ANKRD22: variants seen among roughly 807,000 people sequenced by gnomAD.
The protein encoded by ANKRD22 is ankyrin repeat domain 22.
Under a neutral mutation model 25.7 loss-of-function variants are expected in ANKRD22, and 24 were observed. The ratio of observed to expected loss-of-function variants is 0.93; its 90% CI spans 0.68 to 1.31. The LOEUF (loss-of-function observed/expected upper bound fraction) is 1.31, where lower values mean the gene tolerates loss of function less well. Among genes scored for constraint, ANKRD22 ranks in the 50% most tolerant of loss-of-function variants. The pLI, the probability that ANKRD22 is intolerant of heterozygous loss-of-function variation, is 0.00. For missense variants in ANKRD22, 214 were observed against 227.1 expected (o/e 0.94, Z 0.37); for synonymous variants, 84 against 84.3 (o/e 1.00, Z 0.02).
intron 3 of ANKRD22, 100 bp from the exon 4 acceptor site, chr10:88,826,215 A>C (rs764863472): frequency 2.0e-4 from 189 of 957,216 alleles, no homozygotes; most frequent in Non-Finnish European, 2.8e-4. Flanking sequence ...TAATCCCAAC[A>C]CTCCTATGCA....
intron 1 of ANKRD22, among the ~76,000 whole-genome samples, chr10:88,840,383 G>A (rs1214557): frequency 0.42 from 63,201 of 152,076 alleles, 14,296 homozygotes; most frequent in African/African-American, 0.61. Context: ...AATATTTGTT[G>A]TTATTTTAAT....
chr10:88,840,732 C>T (rs1843996283), intron 1 of ANKRD22, among the ~76,000 whole-genome samples: 1 of 152,102 alleles, frequency 6.6e-6, no homozygotes, highest in Admixed American at 6.6e-5. Flanking sequence ...GTTTTTCTTT[C>T]TCTTCAAGTT....
intron 1 of ANKRD22, among the ~76,000 whole-genome samples, chr10:88,846,190 T>C (rs1844046887): frequency 6.6e-6 from 1 of 152,164 alleles, no homozygotes; most frequent in Admixed American, 6.6e-5. Flanking sequence ...CAAAGTCACT[T>C]TATTTATAAT....
chr10:88,826,279 T>C (rs1843855309), intron 3 of ANKRD22, among the ~76,000 whole-genome samples, 164 bp from the exon 4 acceptor site: 1 of 152,142 alleles, frequency 6.6e-6, no homozygotes, highest in African/African-American at 2.4e-5. Context: ...CTAATATCAA[T>C]TAATTAAAGC....
chr10:88,851,742 G>T lies in ANKRD22; in HGVS notation c.-135C>A. On this transcript the variant is annotated 5_prime_UTR_variant, in exon 1 of 6. Transcript: ENST00000371930. Reference sequence around the variant, plus strand: ...CAAGCTGGTGGCAAGCTCCAGGAGTGCTTTTCTAGCAAACACCTGTCAGTG... The same window carrying T: ...CAAGCTGGTGGCAAGCTCCAGGAGTTCTTTTCTAGCAAACACCTGTCAGTG... 1 of 938,406 alleles carries T rather than the reference G, an allele frequency of 1.1e-6. No individual in the cohort carries two copies. The allele number at this position is 938,406 out of a possible 1,614,324, so 58.1% of individuals were successfully genotyped here.
chr10:88,831,182 G>A (rs1010255100), intron 2 of ANKRD22, among the ~76,000 whole-genome samples: 1 of 152,138 alleles, frequency 6.6e-6, no homozygotes, highest in Non-Finnish European at 1.5e-5. Flanking sequence ...CCTTCACTAC[G>A]ATGCAAATGC....
chr10:88,839,612 C>T (rs1254702263), intron 1 of ANKRD22, among the ~76,000 whole-genome samples: 2 of 152,114 alleles, frequency 1.3e-5, no homozygotes, highest in Non-Finnish European at 2.9e-5. Flanking sequence ...CTTAAATGAG[C>T]TAGTGGGTTA....
At chr10:88,823,255 C>T (rs1370387434) in intron 5 of ANKRD22, 25 bp downstream of exon 5, 2 of 1,587,422 alleles carry the variant, frequency 1.3e-6, no homozygotes, top group South Asian at 2.2e-5. Flanking sequence ...AGAGGAACCT[C>T]AGACCACGGT....
At chr10:88,830,517 A>G (rs1481081201) in intron 2 of ANKRD22, among the ~76,000 whole-genome samples, 1 of 152,252 alleles carries the variant, frequency 6.6e-6, no homozygotes, top group Admixed American at 6.5e-5. Flanking sequence ...CAAATTATTA[A>G]TGTACAAATA....
In ANKRD22 at chr10:88,827,648, C is replaced by T. The variant is rs541581566; in HGVS notation, c.321+911G>A. Among the ~76,000 whole-genome samples the T allele has an allele frequency of 2.0e-5, 3 of 152,204 alleles. No homozygotes were observed. The East Asian group carries it at 5.8e-4, about 29-fold the overall frequency. On this transcript the variant is annotated intron_variant, in intron 3 of 5. Coordinates refer to ENST00000371930, the MANE Select transcript of ANKRD22 (RefSeq NM_144590.3). ...AGTTCTTTTCTCTCTCCTATAAATC[C>T]AAATATAAAAATCAACATTGTCATG...
intron 3 of ANKRD22, among the ~76,000 whole-genome samples, chr10:88,826,840 C>T (rs1843860476): frequency 6.6e-6 from 1 of 152,126 alleles, no homozygotes; most frequent in African/African-American, 2.4e-5. Flanking sequence ...AATGACTCTC[C>T]CCACCACCCT....
At chr10:88,837,707 T>A (rs1843966653) in intron 1 of ANKRD22, among the ~76,000 whole-genome samples, 1 of 152,202 alleles carries the variant, frequency 6.6e-6, no homozygotes, top group Non-Finnish European at 1.5e-5. Flanking sequence ...GTAGCTCCTA[T>A]AATTCCCACA....
rs1421804665 is a variant in ANKRD22 at position 88,819,908 on chromosome 10, A to C, written c.*3033T>G. ...AAGAACAGGGGCATTATTTTTAAAAACAATTTATTTACAAAATATTTAATA... is the reference window on the plus strand; with the variant it reads ...AAGAACAGGGGCATTATTTTTAAAACCAATTTATTTACAAAATATTTAATA... On this transcript the variant is annotated 3_prime_UTR_variant, in exon 6 of 6. Transcript: ENST00000371930. Among the ~76,000 whole-genome samples, 1 of 152,252 alleles carries C rather than the reference A, an allele frequency of 6.6e-6. No homozygotes were observed. The highest frequency in any genetic ancestry group is 2.4e-5 in the African/African-American group (1 of 41,462).
chr10:88,843,657 T>C (rs954751909), intron 1 of ANKRD22, among the ~76,000 whole-genome samples: 1 of 152,118 alleles, frequency 6.6e-6, no homozygotes, highest in East Asian at 1.9e-4. Context: ...TTAAAATAAA[T>C]TTGACCATTA....
rs1843810390 is a variant in ANKRD22 at position 88,822,562 on chromosome 10, T to TTTTTTTTTTTTTTTTTTTTTG, written c.*378_*379insCAAAAAAAAAAAAAAAAAAAA. ...ACCAGGGCTTTTTTTTTTTTTTTTTTTTTTGAGACAGGGTCTCGCTGTGTT... is the reference window on the plus strand; with the variant it reads ...ACCAGGGCTTTTTTTTTTTTTTTTTTTTTTTTTTTTTTTTTTTTTTGTTTTGAGACAGGGTCTCGCTGTGTT... On this transcript the variant is annotated 3_prime_UTR_variant, in exon 6 of 6. Transcript: ENST00000371930. 1.5e-5 allele frequency: 2 copies of TTTTTTTTTTTTTTTTTTTTTG among 130,196 alleles called. 1 individual carries two copies. Among genetic ancestry groups the TTTTTTTTTTTTTTTTTTTTTG allele is most frequent in the Non-Finnish European group, 3.2e-5 (2 of 63,100 alleles). 8.1% of individuals were successfully genotyped at this position (130,196 alleles called of 1,614,324 possible). A position where few individuals can be genotyped will look rare whatever the true frequency, so the allele number is the denominator to read the frequency against.
chr10:88,835,663 T>G (rs1328346273), intron 1 of ANKRD22, among the ~76,000 whole-genome samples: 1 of 152,222 alleles, frequency 6.6e-6, no homozygotes, highest in Non-Finnish European at 1.5e-5. Context: ...ATAGGGCAGC[T>G]CCATTATAAT....
At chr10:88,829,016 C>T (rs1012045001) in intron 2 of ANKRD22, among the ~76,000 whole-genome samples, 5 of 152,164 alleles carry the variant, frequency 3.3e-5, no homozygotes, top group African/African-American at 1.2e-4. Context: ...TGATAGTTAT[C>T]CCTTAATCAT....
intron 1 of ANKRD22, among the ~76,000 whole-genome samples, chr10:88,847,561 A>G (rs1366871907): frequency 2.6e-5 from 4 of 152,066 alleles, no homozygotes; most frequent in Non-Finnish European, 5.9e-5. Flanking sequence ...GCCTGGCCTC[A>G]ACACCATACT....
chr10:88,837,628 A>C (rs1843965858), intron 1 of ANKRD22, among the ~76,000 whole-genome samples: 2 of 152,242 alleles, frequency 1.3e-5, no homozygotes, highest in South Asian at 4.1e-4. Context: ...TATTTGTCAT[A>C]AATAAATAGA....
Sources: allele counts gnomAD v4.1 joint callset (sites outside exome capture counted in the v4.1 genomes callset), GRCh38; gene constraint gnomAD v4.1.1; transcripts MANE v1.5; gene names NCBI Gene and HGNC (gene_info 2026-07-23, HGNC 2026-07-21).